Variants in BRWD1 observed in about 807,000 individuals in gnomAD.
BRWD1 encodes the protein bromodomain and WD repeat-containing protein 1.
In BRWD1, 82 loss-of-function variants were observed where a neutral mutation model predicts 251.2. The observed-to-expected ratio is 0.33, with a 90% confidence interval of 0.27 to 0.39. BRWD1 has a LOEUF of 0.39. Among genes scored for constraint, BRWD1 ranks in the 10% least tolerant of loss-of-function variants. The pLI is 1.00. For synonymous variants in BRWD1, 918 were observed against 902.8 expected (o/e 1.02, Z -0.30); for missense variants, 2,233 against 2,711.6 (o/e 0.82, Z 3.92).
In BRWD1 at chr21:39,196,395, T is replaced by C; in HGVS notation, c.6674A>G (p.Tyr2225Cys). 1 of 1,613,850 alleles carries C rather than the reference T, an allele frequency of 6.2e-7. No individual in the cohort carries two copies. Among genetic ancestry groups the C allele is most frequent in the Non-Finnish European group, 8.5e-7 (1 of 1,179,766 alleles). ...TCGAAGAACTCTTTTAGATTTTGCATAGTCCAAATCCTCCCAGTCATTATC... is the reference window on the plus strand; with the variant it reads ...TCGAAGAACTCTTTTAGATTTTGCACAGTCCAAATCCTCCCAGTCATTATC... ...VDDNDWEDLD[Y>C]AKSKRVLRRS... The change falls in exon 41 of 41, where the codon TAT becomes TGT. Residue 2225 changes from tyrosine to cysteine, a missense_variant. Tyr to Cys is a radical substitution (Grantham distance 194). Coordinates refer to ENST00000342449, the MANE Select transcript of BRWD1 (RefSeq NM_033656.4).
chr21:39,219,679 A>G (rs150876613), intron 29 of BRWD1: 3 of 152,296 alleles, frequency 2.0e-5, no homozygotes, highest in Non-Finnish European at 2.9e-5. Context: ...ACATACACAC[A>G]AGTTTTATAT....
At chr21:39,241,193 T>C (rs909000133) in intron 21 of BRWD1, among the ~76,000 whole-genome samples, 3 of 151,668 alleles carry the variant, frequency 2.0e-5, no homozygotes, top group Non-Finnish European at 4.4e-5. Context: ...GGGCTGGGCA[T>C]GGTGGCTCAC....
intron 17 of BRWD1, among the ~76,000 whole-genome samples, chr21:39,260,706 CCT>C (rs2034714734): frequency 6.6e-6 from 1 of 152,092 alleles, no homozygotes; most frequent in African/African-American, 2.4e-5. Context: ...GGAGACAAAC[CCT>C]CTGATTGCTC....
In BRWD1 at chr21:39,194,577, T is replaced by C. The variant is rs1418145204; in HGVS notation, c.*1682A>G. 40 of 1,469,214 alleles carry C rather than the reference T, an allele frequency of 2.7e-5. No homozygotes were observed. The highest frequency in any genetic ancestry group is 3.6e-5 in the Non-Finnish European group (40 of 1,114,968). The allele number at this position is 1,469,214 out of a possible 1,614,324, so 91.0% of individuals were successfully genotyped here. On this transcript the variant is annotated 3_prime_UTR_variant, in exon 41 of 41. Coordinates refer to ENST00000342449, the MANE Select transcript of BRWD1 (RefSeq NM_033656.4). ...TTCCCACCTATCTCAGTTGATAATG[T>C]CCAAAAACATCCTTCCCCATGCATC...
chr21:39,207,366 T>C (rs1189017661), intron 36 of BRWD1, among the ~76,000 whole-genome samples: 3 of 147,614 alleles, frequency 2.0e-5, no homozygotes, highest in African/African-American at 7.5e-5. Context: ...GAGTTGGAGG[T>C]TGCAGTGAGC....
chr21:39,250,504 T>A (rs763899306), intron 20 of BRWD1, among the ~76,000 whole-genome samples: 1 of 149,676 alleles, frequency 6.7e-6, no homozygotes, highest in Non-Finnish European at 1.5e-5. Context: ...CTGAGAGCCC[T>A]TAAAAAAAAA....
In BRWD1 at chr21:39,185,836, TCAA is replaced by T. The variant is rs2146425941; in HGVS notation, c.*10420_*10422del. 6.6e-6 allele frequency: 1 copy of T among 152,322 alleles called. No homozygotes were observed. The highest frequency in any genetic ancestry group is 2.1e-4 in the South Asian group (1 of 4,834). The allele number at this position is 152,322 out of a possible 1,614,324, so 9.4% of individuals were successfully genotyped here. The stretch of plus-strand genomic sequence containing the variant: ...TTTTAAATGGGAAAACAACTTACTT[TCAA>T]CAACTTAATTTTTCCAGTAACACGT... On this transcript the variant is annotated 3_prime_UTR_variant, in exon 41 of 41. Coordinates refer to ENST00000342449, the MANE Select transcript of BRWD1 (RefSeq NM_033656.4).
rs1397396770 is a variant in BRWD1, at chr21:39,312,772, C to T, written c.198+69G>A. 3.7e-6 allele frequency: 5 copies of T among 1,362,770 alleles called. No individual in the cohort carries two copies. In the African/African-American group the frequency reaches 5.9e-5, roughly 16 times the overall value. 84.4% of individuals were successfully genotyped at this position (1,362,770 alleles called of 1,614,324 possible). Reference sequence around the variant, plus strand: ...TGCACCCCACGGGCCGGGGTCCCCGCGAGGGGAAGGGGCGGGGGCGGGGGG... The same window carrying T: ...TGCACCCCACGGGCCGGGGTCCCCGTGAGGGGAAGGGGCGGGGGCGGGGGG... On this transcript the variant is annotated intron_variant, in intron 4 of 40. Coordinates refer to ENST00000342449, the MANE Select transcript of BRWD1 (RefSeq NM_033656.4).
chr21:39,198,691 A>G, intron 40 of BRWD1, 72 bp downstream of exon 40: 1 of 1,386,662 alleles, frequency 7.2e-7, no homozygotes, highest in Non-Finnish European at 9.7e-7. Context: ...TTCGGGGGGA[A>G]AAAACCAATG....
intron 15 of BRWD1, among the ~76,000 whole-genome samples, chr21:39,267,629 T>G (rs1279903495): frequency 6.6e-6 from 1 of 152,094 alleles, no homozygotes; most frequent in East Asian, 1.9e-4. Context: ...GCACTTTGAA[T>G]TGTAACAGTA....
chr21:39,313,376 C>G (rs868147779), intron 1 of BRWD1, 67 bp downstream of exon 1: 144 of 1,252,680 alleles, frequency 1.1e-4, no homozygotes, highest in Admixed American at 7.0e-4. Flanking sequence ...CGGGGGAGCC[C>G]GGGGAGCCGG....
At chr21:39,205,351 CCT>C (rs147916906) in intron 37 of BRWD1, among the ~76,000 whole-genome samples, 6,367 of 152,198 alleles carry the variant, frequency 0.042, 132 homozygotes, top group Middle Eastern at 0.092. Context: ...GTGACACACC[CCT>C]GTTATCCCAA....
At chr21:39,276,126 A>G (rs762110231) in intron 12 of BRWD1, 47 bp downstream of exon 12, 6 of 1,533,294 alleles carry the variant, frequency 3.9e-6, no homozygotes, top group Non-Finnish European at 5.4e-6. Context: ...GTAGCACATT[A>G]TATTTGCCTA....
At chr21:39,313,636 C>A, upstream of BRWD1, 1 of 526,162 alleles carries the variant, frequency 1.9e-6, no homozygotes, top group South Asian at 5.5e-5. Context: ...GCCGCCTGGA[C>A]CGACGCCTCC....
chr21:39,297,392 G>C, intron 5 of BRWD1: 2 of 985,356 alleles, frequency 2.0e-6, no homozygotes, highest in Non-Finnish European at 2.4e-6. Flanking sequence ...CCCTACCCTA[G>C]GGCAGCTTGC....
At chr21:39,285,871 CA>C (rs113834787) in intron 8 of BRWD1, among the ~76,000 whole-genome samples, 1,482 of 101,442 alleles carry the variant, frequency 0.015, 15 homozygotes, top group African/African-American at 0.05. Flanking sequence ...GCCCAGTCAA[CA>C]AAAAAAAAAA....
intron 13 of BRWD1, among the ~76,000 whole-genome samples, chr21:39,272,495 C>G (rs1451787344): frequency 6.6e-6 from 1 of 151,334 alleles, no homozygotes; most frequent in Non-Finnish European, 1.5e-5. Context: ...CCACTGCACT[C>G]CAGCCTGGGC....
intron 21 of BRWD1, among the ~76,000 whole-genome samples, chr21:39,240,615 A>C (rs1446956266): frequency 6.6e-6 from 1 of 152,210 alleles, no homozygotes; most frequent in East Asian, 1.9e-4. Flanking sequence ...GAAACAACCT[A>C]ACTGCCCATA....
intron 4 of BRWD1, among the ~76,000 whole-genome samples, chr21:39,307,564 G>A (rs1487159108): frequency 6.6e-6 from 1 of 152,058 alleles, no homozygotes; most frequent in African/African-American, 2.4e-5. Context: ...CCTGGGTTAT[G>A]ACTTAATTAC....
Sources: allele counts gnomAD v4.1 joint callset (sites outside exome capture counted in the v4.1 genomes callset), GRCh38; gene constraint gnomAD v4.1.1; transcripts MANE v1.5; gene names NCBI Gene and HGNC (gene_info 2026-07-23, HGNC 2026-07-21).